Variants in SGMS1 observed in about 807,000 individuals in gnomAD.
SGMS1 encodes phosphatidylcholine:ceramide cholinephosphotransferase 1.
In SGMS1, 13 loss-of-function variants were observed where a neutral mutation model predicts 46.2. The ratio of observed to expected loss-of-function variants is 0.28; its 90% CI spans 0.18 to 0.45. The LOEUF is 0.45. Ranked by LOEUF, SGMS1 falls within the 20% of genes least tolerant of loss-of-function variation. The pLI, the probability that SGMS1 is intolerant of heterozygous loss-of-function variation, is 1.00. For synonymous variants in SGMS1, 203 were observed against 187.8 expected, an observed-to-expected ratio of 1.08 and a Z score of -0.66; for missense variants, 324 against 519.9, an observed-to-expected ratio of 0.62 and a Z score of 3.66.
chr10:50,347,018 C>G (rs1847924835), intron 6 of SGMS1, among the ~76,000 whole-genome samples: 1 of 152,110 alleles, frequency 6.6e-6, no homozygotes, highest in South Asian at 2.1e-4. Flanking sequence ...ATATAACAAC[C>G]AATCAAGTGG....
At chr10:50,316,419 G>C (rs188712939) in intron 8 of SGMS1, among the ~76,000 whole-genome samples, 1 of 152,306 alleles carries the variant, frequency 6.6e-6, no homozygotes, top group East Asian at 1.9e-4. Context: ...TAGAATCCAA[G>C]TCCTCTGACT....
chr10:50,557,250 C>A (rs1443385246), intron 2 of SGMS1, among the ~76,000 whole-genome samples: 2 of 151,944 alleles, frequency 1.3e-5, no homozygotes, highest in African/African-American at 4.8e-5. Flanking sequence ...TTTAGATATT[C>A]ACAATAATGA....
intron 6 of SGMS1, among the ~76,000 whole-genome samples, chr10:50,347,455 C>A (rs1461987708): frequency 2.0e-5 from 3 of 152,134 alleles, no homozygotes; most frequent in Non-Finnish European, 4.4e-5. Flanking sequence ...CAATTGCCAC[C>A]AGTACTGCCC....
intron 6 of SGMS1, among the ~76,000 whole-genome samples, chr10:50,384,915 A>T (rs1277739493): frequency 6.6e-6 from 1 of 152,186 alleles, no homozygotes; most frequent in Non-Finnish European, 1.5e-5. Flanking sequence ...TAACTAAATG[A>T]CATATCTTCT....
At chr10:50,511,403 A>G (rs1384473691) in intron 3 of SGMS1, among the ~76,000 whole-genome samples, 1 of 152,196 alleles carries the variant, frequency 6.6e-6, no homozygotes, top group East Asian at 1.9e-4. Context: ...TCAGTATTCA[A>G]GGCCTTCTGT....
intron 3 of SGMS1, among the ~76,000 whole-genome samples, chr10:50,489,421 A>C (rs912765774): frequency 2.0e-5 from 3 of 152,232 alleles, no homozygotes; most frequent in Non-Finnish European, 4.4e-5. Flanking sequence ...TATATGTGAT[A>C]TTATTCGACC....
At chr10:50,495,238 CAAAAA>C (rs35409405) in intron 3 of SGMS1, among the ~76,000 whole-genome samples, 1 of 75,910 alleles carries the variant, frequency 1.3e-5, no homozygotes. Flanking sequence ...GATTCCGTCT[CAAAAA>C]AAAAAAAAAA....
At chr10:50,422,077 C>A (rs1308808468) in intron 6 of SGMS1, among the ~76,000 whole-genome samples, 2 of 152,172 alleles carry the variant, frequency 1.3e-5, no homozygotes, top group Non-Finnish European at 1.5e-5. Flanking sequence ...AATCTCTCCT[C>A]TCCTCCAAAT....
chr10:50,518,540 C>T (rs193124914), intron 3 of SGMS1, among the ~76,000 whole-genome samples: 8 of 152,280 alleles, frequency 5.3e-5, no homozygotes, highest in Admixed American at 5.2e-4. Flanking sequence ...GATTCTCGTG[C>T]TTCAGCCTCC....
intron 2 of SGMS1, among the ~76,000 whole-genome samples, chr10:50,585,032 G>A (rs1270241201): frequency 1.3e-5 from 2 of 152,124 alleles, no homozygotes; most frequent in African/African-American, 4.8e-5. Context: ...TGCTACACAG[G>A]TGTAAAAGAT....
chr10:50,522,681 T>C (rs1837866808), intron 2 of SGMS1, among the ~76,000 whole-genome samples: 1 of 152,164 alleles, frequency 6.6e-6, no homozygotes, highest in Non-Finnish European at 1.5e-5. Flanking sequence ...TCCAAGCTTA[T>C]GGCCCTTACT....
chr10:50,590,535 A>G (rs1315921108), intron 1 of SGMS1: 1 of 152,232 alleles, frequency 6.6e-6, no homozygotes, highest in Non-Finnish European at 1.5e-5. Flanking sequence ...ATTGACAAAT[A>G]AAAATTACAT....
chr10:50,425,808 T>C (rs1385561186), intron 6 of SGMS1, among the ~76,000 whole-genome samples: 1 of 152,250 alleles, frequency 6.6e-6, no homozygotes, highest in Non-Finnish European at 1.5e-5. Context: ...TTGGCAAGAA[T>C]GAATGAGTCT....
chr10:50,501,685 A>C (rs1263275648), intron 3 of SGMS1, among the ~76,000 whole-genome samples: 1 of 152,182 alleles, frequency 6.6e-6, no homozygotes, highest in Non-Finnish European at 1.5e-5. Flanking sequence ...CTTTAATTCA[A>C]CAAGTTGTCT....
At chr10:50,483,954 A>ATT (rs1458236896) in intron 3 of SGMS1, among the ~76,000 whole-genome samples, 1 of 152,182 alleles carries the variant, frequency 6.6e-6, no homozygotes, top group Non-Finnish European at 1.5e-5. Flanking sequence ...AAGATCCCAA[A>ATT]TTGACATGCT....
chr10:50,622,273 T>TC, intron 1 of SGMS1, among the ~76,000 whole-genome samples: 1 of 151,874 alleles, frequency 6.6e-6, no homozygotes, highest in Admixed American at 6.6e-5. Flanking sequence ...CCCCGCCCTC[T>TC]CCCCTTCTGC....
chr10:50,307,416 T>C lies in SGMS1; in HGVS notation c.1063-95A>G. ...TAAAATTCCCAAAGGACTCCATACC[T>C]GCCCTGCGTGTCCACCCACATATCC... On this transcript the variant is annotated intron_variant, in intron 10 of 10. Transcript: ENST00000361781. The surrounding 1 kb of genome is among the most constrained non-coding windows in gnomAD (Gnocchi z 4.2). 9.8e-7 allele frequency: 1 copy of C among 1,018,178 alleles called. No individual in the cohort carries two copies. Among genetic ancestry groups the C allele is most frequent in the South Asian group, 1.6e-5 (1 of 62,256 alleles). 63.1% of individuals were successfully genotyped at this position (1,018,178 alleles called of 1,614,324 possible).
chr10:50,512,027 C>T (rs148562520), intron 3 of SGMS1, among the ~76,000 whole-genome samples: 2 of 152,230 alleles, frequency 1.3e-5, no homozygotes, highest in East Asian at 3.9e-4. Context: ...TGTTCACATA[C>T]AAGGTATGAT....
intron 6 of SGMS1, among the ~76,000 whole-genome samples, chr10:50,370,427 C>T (rs1437038018): frequency 2.0e-5 from 3 of 148,632 alleles, no homozygotes; most frequent in African/African-American, 7.4e-5. Flanking sequence ...TTTTTTTTTA[C>T]TTAAAAAATT....
Sources: gnomAD v4.1 joint callset for allele counts (sites outside exome capture counted in the v4.1 genomes callset) on GRCh38, gnomAD v4.1.1 for gene constraint, Gnocchi (gnomAD v3.1) non-coding constraint, MANE v1.5 for transcripts, NCBI Gene and HGNC (gene_info 2026-07-23, HGNC 2026-07-21) for gene names.